The following PARN variants were observed in gnomAD, a reference collection of about 807,000 sequenced individuals.
The protein encoded by PARN is poly(A)-specific ribonuclease, also known as poly(A)-specific ribonuclease PARN.
Under a neutral mutation model 102.8 loss-of-function variants are expected in PARN, and 71 were observed. The ratio of observed to expected loss-of-function variants is 0.69; its 90% CI spans 0.57 to 0.84. The LOEUF (loss-of-function observed/expected upper bound fraction) is 0.84, where lower values mean the gene tolerates loss of function less well. Ranked by LOEUF, PARN falls within the 40% of genes least tolerant of loss-of-function variation. The probability of loss-of-function intolerance (pLI) is 0.00; values close to 1 mark genes in which losing one functional copy is unlikely to be tolerated. For missense variants in PARN, 782 were observed against 760.9 expected, an observed-to-expected ratio of 1.03 and a Z score of -0.33; for synonymous variants, 261 against 252.9, an observed-to-expected ratio of 1.03 and a Z score of -0.30.
chr16:14,584,086 T>C (rs1195269349), intron 16 of PARN, among the ~76,000 whole-genome samples: 1 of 152,240 alleles, frequency 6.6e-6, no homozygotes, highest in Non-Finnish European at 1.5e-5. Flanking sequence ...TCCATATTAT[T>C]AGAAAATAGA....
intron 23 of PARN, among the ~76,000 whole-genome samples, chr16:14,437,589 A>C (rs1402686930): frequency 1.3e-5 from 2 of 152,180 alleles, no homozygotes; most frequent in Non-Finnish European, 2.9e-5. Flanking sequence ...GACTTCAACG[A>C]ATGTGAGGGA....
chr16:14,476,721 T>C (rs1963072541), intron 22 of PARN, among the ~76,000 whole-genome samples: 1 of 152,176 alleles, frequency 6.6e-6, no homozygotes, highest in Admixed American at 6.5e-5. Flanking sequence ...GGCAAGGCTG[T>C]GTTCCAACAG....
intron 18 of PARN, among the ~76,000 whole-genome samples, chr16:14,569,550 G>T (rs759578604): frequency 9.2e-5 from 14 of 152,212 alleles, no homozygotes; most frequent in Non-Finnish European, 2.1e-4. Flanking sequence ...TAGCTGAGAT[G>T]TTGCACAGAT....
chr16:14,470,794 T>C (rs1962695274), intron 22 of PARN, among the ~76,000 whole-genome samples: 1 of 151,784 alleles, frequency 6.6e-6, no homozygotes, highest in African/African-American at 2.4e-5. Flanking sequence ...CATATAGATA[T>C]TTTCTTTGCT....
chr16:14,515,773 A>C (rs1048914908), intron 21 of PARN, among the ~76,000 whole-genome samples: 4 of 146,470 alleles, frequency 2.7e-5, no homozygotes, highest in African/African-American at 1.0e-4. Context: ...CTGTGTCTTA[A>C]TTTTTTTTTT....
At chr16:14,535,062 G>A (rs531459833) in intron 21 of PARN, among the ~76,000 whole-genome samples, 74 of 152,260 alleles carry the variant, frequency 4.9e-4, no homozygotes, top group Non-Finnish European at 2.6e-4. Context: ...TCGAACTCCC[G>A]ACCTCAGGTG....
At chr16:14,583,811 G>A (rs907694865) in intron 16 of PARN, among the ~76,000 whole-genome samples, 6 of 152,124 alleles carry the variant, frequency 3.9e-5, no homozygotes, top group Non-Finnish European at 5.9e-5. Context: ...CACATACCTT[G>A]GTGGTGGCCC....
chr16:14,505,805 G>A (rs1217971113), intron 21 of PARN, among the ~76,000 whole-genome samples: 2 of 152,158 alleles, frequency 1.3e-5, no homozygotes, highest in African/African-American at 4.8e-5. Flanking sequence ...TTGGCAACAT[G>A]TGAACTAAAA....
At chr16:14,485,947 C>CAA (rs1281921565) in intron 21 of PARN, among the ~76,000 whole-genome samples, 3 of 152,212 alleles carry the variant, frequency 2.0e-5, no homozygotes, top group Non-Finnish European at 4.4e-5. Context: ...CTCGGCCTCT[C>CAA]AAAGTGCTGG....
intron 22 of PARN, among the ~76,000 whole-genome samples, chr16:14,455,770 C>T (rs907597169): frequency 3.3e-5 from 5 of 152,172 alleles, no homozygotes; most frequent in African/African-American, 4.8e-5. Context: ...GCAAGAATGA[C>T]GTGATTGGAA....
intron 22 of PARN, among the ~76,000 whole-genome samples, chr16:14,470,443 T>G (rs551342355): frequency 0.088 from 8,665 of 98,608 alleles, 770 homozygotes; most frequent in African/African-American, 0.22. Context: ...GGATGATTAT[T>G]ATTATTATTA....
intron 21 of PARN, among the ~76,000 whole-genome samples, chr16:14,519,963 T>C (rs1409034049): frequency 2.0e-5 from 3 of 152,030 alleles, no homozygotes; most frequent in East Asian, 1.9e-4. Context: ...AAAAGAGAGA[T>C]ACTAGATACT....
rs988036738 is a variant in PARN, at chr16:14,628,034, A to G, written c.177+138T>C. The G allele has an allele frequency of 3.2e-5, 21 of 650,158 alleles. No individual in the cohort carries two copies. The Middle Eastern group carries it at 9.9e-4, about 31-fold the overall frequency. 40.3% of individuals were successfully genotyped at this position (650,158 alleles called of 1,614,324 possible). ...AAAACAAGACAAAACAAAAAAAAAA[A>G]TCACTTCATGGCTAGGTTTGAGGAG... is the stretch of plus-strand genomic sequence containing the variant. On this transcript the variant is annotated intron_variant, in intron 3 of 23. Transcript: ENST00000437198.
At chr16:14,447,564 G>C (rs2151557624) in intron 22 of PARN, among the ~76,000 whole-genome samples, 1 of 152,278 alleles carries the variant, frequency 6.6e-6, no homozygotes, top group South Asian at 2.1e-4. Context: ...TAGCTACAGA[G>C]CATACCCCAC....
At chr16:14,614,846 C>CAAAAAAAAAAAAAAAAAAAAAA (rs57502376) in intron 6 of PARN, among the ~76,000 whole-genome samples, 5 of 37,652 alleles carry the variant, frequency 1.3e-4, no homozygotes, top group Non-Finnish European at 1.7e-4. Context: ...GAAACTGTCT[C>CAAAAAAAAAAAAAAAAAAAAAA]AAAAAAAAAA....
rs116957447 is a variant in PARN, at chr16:14,533,753, G to A, written c.1480+18268C>T. 2.0e-3 allele frequency among the ~76,000 whole-genome samples: 311 copies of A among 152,192 alleles called. 7 individuals are homozygous for A. In the East Asian group the frequency reaches 0.049, roughly 24 times the overall value. ...GACCCTCTTCTGCATCTTCCTGCCAGTTTGAGCCAGTTCACTCTCCCCAGG... is the reference window on the plus strand; with the variant it reads ...GACCCTCTTCTGCATCTTCCTGCCAATTTGAGCCAGTTCACTCTCCCCAGG... On this transcript the variant is annotated intron_variant, in intron 21 of 23. Coordinates refer to ENST00000437198, the MANE Select transcript of PARN (RefSeq NM_002582.4).
chr16:14,469,006 T>TA (rs901774641), intron 22 of PARN, among the ~76,000 whole-genome samples: 1 of 149,308 alleles, frequency 6.7e-6, no homozygotes, highest in Non-Finnish European at 1.5e-5. Context: ...AAAAACGACC[T>TA]AAAAAAACGG....
At chr16:14,612,589 C>G (rs1364325751) in intron 6 of PARN, among the ~76,000 whole-genome samples, 2 of 151,846 alleles carry the variant, frequency 1.3e-5, no homozygotes, top group African/African-American at 4.8e-5. Flanking sequence ...TTTGGACATA[C>G]TATTTTTTTT....
intron 23 of PARN, among the ~76,000 whole-genome samples, chr16:14,439,513 T>C (rs1023994015): frequency 3.9e-5 from 6 of 152,114 alleles, no homozygotes; most frequent in Non-Finnish European, 8.8e-5. Flanking sequence ...TTGCATTATA[T>C]ACAAAGATTA....
Sources: allele counts gnomAD v4.1 joint callset (sites outside exome capture counted in the v4.1 genomes callset), GRCh38; gene constraint gnomAD v4.1.1; transcripts MANE v1.5; gene names NCBI Gene and HGNC (gene_info 2026-07-23, HGNC 2026-07-21).